The following ANTXR1 variants were observed in gnomAD, a reference collection of about 807,000 sequenced individuals.
ANTXR1 encodes anthrax toxin receptor 1.
In ANTXR1, 19 loss-of-function variants were observed where a neutral mutation model predicts 78.1. That is an observed-to-expected ratio of 0.24 (90% CI 0.17 to 0.36). The LOEUF (loss-of-function observed/expected upper bound fraction) is 0.36, where lower values mean the gene tolerates loss of function less well. Ranked by LOEUF, ANTXR1 falls within the 10% of genes least tolerant of loss-of-function variation. ANTXR1 has a pLI of 1.00. For synonymous variants in ANTXR1, 273 were observed against 260.5 expected, an observed-to-expected ratio of 1.05 and a Z score of -0.46; for missense variants, 518 against 718.6, an observed-to-expected ratio of 0.72 and a Z score of 3.19.
intron 12 of ANTXR1, among the ~76,000 whole-genome samples, chr2:69,133,514 C>T (rs139920219): frequency 7.9e-4 from 121 of 152,204 alleles, no homozygotes; most frequent in African/African-American, 2.7e-3. Flanking sequence ...GTTTGGGCAA[C>T]GGGAAGCCAT....
At chr2:69,098,595 C>G (rs1671504382) in intron 9 of ANTXR1, among the ~76,000 whole-genome samples, 1 of 152,198 alleles carries the variant, frequency 6.6e-6, no homozygotes, top group Non-Finnish European at 1.5e-5. Context: ...AAGGAGAGAA[C>G]AGAATGGAAT....
chr2:69,206,528 AG>A (rs1234417871), intron 17 of ANTXR1, among the ~76,000 whole-genome samples: 1 of 152,218 alleles, frequency 6.6e-6, no homozygotes, highest in Non-Finnish European at 1.5e-5. Flanking sequence ...CTGACCAACA[AG>A]GTTGGCTGTC....
At chr2:69,157,881 T>C (rs1302127152) in intron 13 of ANTXR1, among the ~76,000 whole-genome samples, 2 of 152,234 alleles carry the variant, frequency 1.3e-5, no homozygotes, top group Admixed American at 1.3e-4. Context: ...GCCTACTCAC[T>C]ACCCTGCCTA....
chr2:69,127,202 T>C (rs1388769872), intron 12 of ANTXR1, among the ~76,000 whole-genome samples: 2 of 152,204 alleles, frequency 1.3e-5, no homozygotes, highest in Non-Finnish European at 2.9e-5. Context: ...GAGGATTTCC[T>C]ACTACCTAAG....
chr2:69,173,879 C>T lies in ANTXR1; in HGVS notation c.1089+3590C>T, dbSNP rs143798280. On this transcript the variant is annotated intron_variant, in intron 14 of 17. Transcript: ENST00000303714. ...ATGCTTCCTTTCCCATGTCCTGTCTCACTCTATCAAAGGCATAGCTCTGGA... is the reference window on the plus strand; with the variant it reads ...ATGCTTCCTTTCCCATGTCCTGTCTTACTCTATCAAAGGCATAGCTCTGGA... 1.9e-4 allele frequency among the ~76,000 whole-genome samples: 29 copies of T among 152,330 alleles called. No individual in the cohort carries two copies. In the East Asian group the frequency reaches 4.8e-3, roughly 25 times the overall value.
chr2:69,088,646 A>G (rs184728928), intron 8 of ANTXR1, among the ~76,000 whole-genome samples: 1 of 152,168 alleles, frequency 6.6e-6, no homozygotes, highest in Non-Finnish European at 1.5e-5. Flanking sequence ...TGGCAAATGG[A>G]CAATCTTCAC....
intron 13 of ANTXR1, among the ~76,000 whole-genome samples, chr2:69,155,645 A>G (rs1673499186): frequency 6.6e-6 from 1 of 152,230 alleles, no homozygotes; most frequent in African/African-American, 2.4e-5. Context: ...AATGTTATGA[A>G]TGGCTTGAAT....
At chr2:69,167,262 T>A (rs1178300102) in intron 13 of ANTXR1, among the ~76,000 whole-genome samples, 1 of 152,018 alleles carries the variant, frequency 6.6e-6, no homozygotes, top group Non-Finnish European at 1.5e-5. Context: ...TTAGCAGGGG[T>A]GCACTGGTTT....
At chr2:69,062,637 GAA>G (rs2104170074) in intron 3 of ANTXR1, among the ~76,000 whole-genome samples, 1 of 152,220 alleles carries the variant, frequency 6.6e-6, no homozygotes, top group Non-Finnish European at 1.5e-5. Context: ...ATATTATACC[GAA>G]GTCTCCACTG....
rs1438258274 is a variant in ANTXR1, at chr2:69,161,067, A to G, written c.1047+8803A>G. Among the ~76,000 whole-genome samples the G allele has an allele frequency of 3.3e-5, 5 of 152,114 alleles. No homozygotes were observed. In the East Asian group the frequency reaches 9.7e-4, roughly 29 times the overall value. Reference sequence around the variant, plus strand: ...GCCCTGCTCAGATCCCACTGACACTACTAGTGTCTAAAAATCGGCTTTCCC... The same window carrying G: ...GCCCTGCTCAGATCCCACTGACACTGCTAGTGTCTAAAAATCGGCTTTCCC... On this transcript the variant is annotated intron_variant, in intron 13 of 17. Coordinates refer to ENST00000303714, the MANE Select transcript of ANTXR1 (RefSeq NM_032208.3).
intron 17 of ANTXR1, among the ~76,000 whole-genome samples, chr2:69,233,478 T>C (rs184374241): frequency 6.6e-6 from 1 of 151,978 alleles, no homozygotes; most frequent in East Asian, 1.9e-4. Flanking sequence ...AGGAAAAATA[T>C]AATGATCTTG....
chr2:69,120,595 G>A (rs1350922795), intron 10 of ANTXR1, among the ~76,000 whole-genome samples: 5 of 152,112 alleles, frequency 3.3e-5, no homozygotes, highest in African/African-American at 4.8e-5. Context: ...TTGAACCCGG[G>A]AGGCAGAGGT....
At position 69,181,891 on chromosome 2, in the gene ANTXR1, C is replaced by G; in HGVS notation, c.1185+10C>G. ...CATTAAAAGAATGGAGGTAAGAGGA[C>G]AGCTTCATATACACTTATCTATGTG... On this transcript the variant is annotated intron_variant, in intron 15 of 17. Coordinates refer to ENST00000303714, the MANE Select transcript of ANTXR1 (RefSeq NM_032208.3). 6.2e-7 allele frequency: 1 copy of G among 1,613,344 alleles called. No homozygotes were observed. The highest frequency in any genetic ancestry group is 8.5e-7 in the Non-Finnish European group (1 of 1,179,344).
intron 10 of ANTXR1, among the ~76,000 whole-genome samples, chr2:69,112,915 G>A (rs1343814933): frequency 6.6e-6 from 1 of 152,152 alleles, no homozygotes. Flanking sequence ...ATGGTTGGGG[G>A]ACAAAAGGGA....
chr2:69,128,035 C>T (rs1672601815), intron 12 of ANTXR1, among the ~76,000 whole-genome samples: 1 of 151,990 alleles, frequency 6.6e-6, no homozygotes, highest in Non-Finnish European at 1.5e-5. Flanking sequence ...GACCAGCCTG[C>T]CCAACATGAC....
At chr2:69,054,905 T>C (rs1322523289) in intron 3 of ANTXR1, among the ~76,000 whole-genome samples, 1 of 151,970 alleles carries the variant, frequency 6.6e-6, no homozygotes. Context: ...GGTGAGGGAG[T>C]GGGGCATTTG....
rs978706796 is a variant in ANTXR1 at position 69,138,941 on chromosome 2, G to C, written c.952-13228G>C. On this transcript the variant is annotated intron_variant, in intron 12 of 17. Transcript: ENST00000303714. ...CTTTATAGGTATCTATAAAGCTCAA[G>C]ATTCTTGAGATTGTATATAAAAGGT... 5.3e-5 allele frequency among the ~76,000 whole-genome samples: 8 copies of C among 152,216 alleles called. No individual in the cohort carries two copies. In the South Asian group the frequency reaches 1.7e-3, roughly 32 times the overall value.
At position 69,207,724 on chromosome 2, in the gene ANTXR1, C is replaced by T. The variant is rs1027767103; in HGVS notation, c.1434+14309C>T. Among the ~76,000 whole-genome samples the T allele has an allele frequency of 7.2e-5, 11 of 152,230 alleles. No homozygotes were observed. The East Asian group carries it at 2.1e-3, about 29-fold the overall frequency. Reference sequence around the variant, plus strand: ...CAACTGGGACCTCCGCTGGCAACACCCCCCACACCCCACCCTGTGTTATAG... The same window carrying T: ...CAACTGGGACCTCCGCTGGCAACACTCCCCACACCCCACCCTGTGTTATAG... On this transcript the variant is annotated intron_variant, in intron 17 of 17. Transcript: ENST00000303714.
At chr2:69,198,796 C>T (rs1339161248) in intron 17 of ANTXR1, among the ~76,000 whole-genome samples, 3 of 152,196 alleles carry the variant, frequency 2.0e-5, no homozygotes, top group African/African-American at 7.2e-5. Flanking sequence ...ACCTTTTCTG[C>T]ATCTTCCTGA....
Sources: gnomAD v4.1 joint callset for allele counts (sites outside exome capture counted in the v4.1 genomes callset) on GRCh38, gnomAD v4.1.1 for gene constraint, MANE v1.5 for transcripts, NCBI Gene and HGNC (gene_info 2026-07-23, HGNC 2026-07-21) for gene names.